FBLN7: variants seen among roughly 807,000 people sequenced by gnomAD.
FBLN7 encodes fibulin-7.
A neutral mutation model predicts 44.0 loss-of-function variants in FBLN7; 31 were observed. The observed-to-expected ratio is 0.70, with a 90% confidence interval of 0.53 to 0.95. FBLN7 has a LOEUF of 0.95. Ranked by LOEUF, FBLN7 falls within the 40% of genes least tolerant of loss-of-function variation. The pLI is 0.00. For synonymous variants in FBLN7, 262 were observed against 253.4 expected, an observed-to-expected ratio of 1.03 and a Z score of -0.32; for missense variants, 573 against 618.5, an observed-to-expected ratio of 0.93 and a Z score of 0.78.
At chr2:112,180,345 G>A (rs773885710) in intron 4 of FBLN7, among the ~76,000 whole-genome samples, 1 of 152,084 alleles carries the variant, frequency 6.6e-6, no homozygotes. Context: ...AAAAGTAACC[G>A]ATCCTGGAGA....
At chr2:112,197,294 GAGAGAGAGAGAGAC>G in the FBLN7 span, among the ~76,000 whole-genome samples, 1 of 149,160 alleles carries the variant, frequency 6.7e-6, no homozygotes, top group African/African-American at 2.5e-5. Flanking sequence ...GAGAGAGAGA[GAGAGAGAGAGAGAC>G]AGAGAGAGAA....
At chr2:112,158,504 C>A (rs770443456) in intron 1 of FBLN7, among the ~76,000 whole-genome samples, 1 of 152,022 alleles carries the variant, frequency 6.6e-6, no homozygotes, top group Non-Finnish European at 1.5e-5. Flanking sequence ...GGTGCAGTCT[C>A]GGCTCACTGC....
the FBLN7 span, among the ~76,000 whole-genome samples, chr2:112,199,981 A>G: frequency 6.6e-6 from 1 of 152,206 alleles, no homozygotes; most frequent in South Asian, 2.1e-4. Flanking sequence ...CTCCAGAACC[A>G]TGAGCTAAAC....
intron 1 of FBLN7, among the ~76,000 whole-genome samples, chr2:112,142,768 T>TTGTG (rs60060928): frequency 1.4e-4 from 21 of 151,450 alleles, no homozygotes; most frequent in East Asian, 9.8e-4. Flanking sequence ...ATGTGTGTGT[T>TTGTG]TGTGTGTGTG....
At chr2:112,230,130 A>C in the FBLN7 span, among the ~76,000 whole-genome samples, 1 of 152,214 alleles carries the variant, frequency 6.6e-6, no homozygotes, top group African/African-American at 2.4e-5. Context: ...ACCAGTAAGC[A>C]TAAGAAAAGA....
At chr2:112,167,558 C>G (rs1390247181) in intron 3 of FBLN7, among the ~76,000 whole-genome samples, 1 of 152,170 alleles carries the variant, frequency 6.6e-6, no homozygotes, top group Admixed American at 6.5e-5. Flanking sequence ...CTCAAACATT[C>G]AGGTCCTCCA....
chr2:112,153,132 C>T (rs528358241), intron 1 of FBLN7: 7 of 152,118 alleles, frequency 4.6e-5, no homozygotes, highest in East Asian at 3.9e-4. Context: ...GAAGAGTAGT[C>T]GAGGATTTAT....
chr2:112,218,479 A>G, the FBLN7 span, among the ~76,000 whole-genome samples: 1 of 152,222 alleles, frequency 6.6e-6, no homozygotes, highest in African/African-American at 2.4e-5. Context: ...CTCAACACAC[A>G]ATAATCAGGT....
Position 112,164,985 on chromosome 2 carries a change from C to T in FBLN7, c.236-16C>T, listed in dbSNP as rs1682068781. 1.2e-6 allele frequency: 2 copies of T among 1,611,930 alleles called. No individual in the cohort carries two copies. The highest frequency in any genetic ancestry group is 4.5e-5 in the East Asian group (2 of 44,790). Reference sequence around the variant, plus strand: ...CCAGGATGAGGAGCTCGTAATCCTTCCATCTCTCCTTACAGTTTCCTGCCC... The same window carrying T: ...CCAGGATGAGGAGCTCGTAATCCTTTCATCTCTCCTTACAGTTTCCTGCCC... On this transcript the variant is annotated splice_polypyrimidine_tract_variant and intron_variant, in intron 2 of 7. Transcript: ENST00000331203.
the FBLN7 span, among the ~76,000 whole-genome samples, chr2:112,234,569 G>A: frequency 6.6e-6 from 1 of 152,206 alleles, no homozygotes; most frequent in Non-Finnish European, 1.5e-5. Flanking sequence ...GGGAGGCTGA[G>A]GCGGGTGGAC....
chr2:112,175,762 TAGA>T lies in FBLN7; in HGVS notation c.458_460del (p.Glu153del), dbSNP rs547053594. ...CCTTGTCAAAATGGTGGTACATGTGTAGAAGGAGTCAACCAGTACAGATGCATT... is the reference window on the plus strand; with the variant it reads ...CCTTGTCAAAATGGTGGTACATGTGTAGGAGTCAACCAGTACAGATGCATT... On this transcript the variant is annotated inframe_deletion, in exon 4 of 8. Coordinates refer to ENST00000331203, the MANE Select transcript of FBLN7 (RefSeq NM_153214.3). 9.3e-4 allele frequency: 1,505 copies of T among 1,614,178 alleles called. 14 individuals carry two copies. In the African/African-American group the frequency reaches 0.016, roughly 17 times the overall value.
At position 112,165,103 on chromosome 2, in the gene FBLN7, TG is replaced by T; in HGVS notation, c.340del (p.Val114SerfsTer39). On this transcript the variant is annotated frameshift_variant, in exon 3 of 8. Transcript: ENST00000331203. LOFTEE classifies it high-confidence loss of function. ...VHFTCNPGFR[L>X]VGPSSVVCLP... ...TTTACCTGCAACCCTGGGTTCCGGC[TG>T]GTCGGGCCCAGCAGCGTGGTGTGTC... The T allele has an allele frequency of 6.2e-7, 1 of 1,614,212 alleles. No homozygotes were observed. The highest frequency in any genetic ancestry group is 8.5e-7 in the Non-Finnish European group (1 of 1,180,044).
the FBLN7 span, among the ~76,000 whole-genome samples, chr2:112,205,981 G>C: frequency 1.3e-5 from 2 of 152,208 alleles, no homozygotes; most frequent in South Asian, 2.1e-4. Flanking sequence ...GGTAGAATTT[G>C]CCAGTGAAAA....
intron 1 of FBLN7, chr2:112,153,248 G>A (rs954523380): frequency 3.3e-5 from 5 of 152,202 alleles, no homozygotes; most frequent in Non-Finnish European, 7.3e-5. Flanking sequence ...TGGCCAGCAG[G>A]CTCACATTTG....
chr2:112,187,074 G>C lies in FBLN7; in HGVS notation c.948-60G>C. ...AGAGGGCAGGTGGGCAGCCGGGTCA[G>C]AGCAGCTCTTCATGAGACTCCCCAA... On this transcript the variant is annotated intron_variant, in intron 7 of 7. Coordinates refer to ENST00000331203, the MANE Select transcript of FBLN7 (RefSeq NM_153214.3). This position sits in a 1 kb window ranked among gnomAD's most constrained non-coding sequence, Gnocchi z 5.1. 6.3e-7 allele frequency: 1 copy of C among 1,578,514 alleles called. No homozygotes were observed. Among genetic ancestry groups the C allele is most frequent in the Non-Finnish European group, 8.6e-7 (1 of 1,160,156 alleles).
chr2:112,160,733 C>A (rs1158230519), intron 2 of FBLN7, among the ~76,000 whole-genome samples: 1 of 96,480 alleles, frequency 1.0e-5, no homozygotes, highest in Non-Finnish European at 2.2e-5. Context: ...CACACGCACG[C>A]ACACGCACAC....
At chr2:112,207,632 A>G in the FBLN7 span, among the ~76,000 whole-genome samples, 1 of 152,200 alleles carries the variant, frequency 6.6e-6, no homozygotes, top group East Asian at 1.9e-4. Flanking sequence ...TACCAAATAT[A>G]ATTGTAAATT....
At chr2:112,193,993 A>G in the FBLN7 span, among the ~76,000 whole-genome samples, 1 of 152,180 alleles carries the variant, frequency 6.6e-6, no homozygotes, top group South Asian at 2.1e-4. Flanking sequence ...TTTATTATGA[A>G]TTATCATGGA....
chr2:112,230,663 T>C, the FBLN7 span: 2 of 205,534 alleles, frequency 9.7e-6, no homozygotes, highest in Non-Finnish European at 9.7e-6. Context: ...ACGTATTTGG[T>C]AAATCTACAA....
Sources: allele counts gnomAD v4.1 joint callset (sites outside exome capture counted in the v4.1 genomes callset), GRCh38; gene constraint gnomAD v4.1.1; non-coding constraint Gnocchi (gnomAD v3.1); transcripts MANE v1.5; gene names NCBI Gene and HGNC (gene_info 2026-07-23, HGNC 2026-07-21).